The following TENM2 variants were observed in gnomAD, a reference collection of about 807,000 sequenced individuals.
TENM2 encodes teneurin-2.
In TENM2, 52 loss-of-function variants were observed where a neutral mutation model predicts 245.2. The ratio of observed to expected loss-of-function variants is 0.21; its 90% confidence interval spans 0.17 to 0.27. The LOEUF (loss-of-function observed/expected upper bound fraction) is 0.27, where lower values mean the gene tolerates loss of function less well. TENM2 is among the 10% of genes least tolerant of loss of function. TENM2 has a pLI of 1.00. For synonymous variants in TENM2, 1,363 were observed against 1,438.9 expected, an observed-to-expected ratio of 0.95 and a Z score of 1.19; for missense variants, 3,046 against 3,666.8, an observed-to-expected ratio of 0.83 and a Z score of 4.37.
the TENM2 span, among the ~76,000 whole-genome samples, chr5:167,075,108 G>A: frequency 1.3e-5 from 2 of 152,222 alleles, no homozygotes; most frequent in Non-Finnish European, 2.9e-5. Flanking sequence ...ATAGGAAGGC[G>A]TATGGTGAAA....
rs564231550 is a variant in TENM2, at chr5:167,987,494, CT to C, written c.948-5443del. Among the ~76,000 whole-genome samples the C allele has an allele frequency of 9.9e-5, 15 of 152,014 alleles. No individual in the cohort carries two copies. The South Asian group carries it at 2.9e-3, about 29-fold the overall frequency. On this transcript the variant is annotated intron_variant, in intron 4 of 28. Coordinates refer to ENST00000518659, the Ensembl canonical transcript of TENM2. Reference sequence around the variant, plus strand: ...AGGTGCCCACCACCACACCTGGCTACTTTTTTTGTATTTTTAATAGAGATGG... The same window carrying C: ...AGGTGCCCACCACCACACCTGGCTACTTTTTTGTATTTTTAATAGAGATGG...
the TENM2 span, among the ~76,000 whole-genome samples, chr5:167,026,498 A>G: frequency 6.6e-6 from 1 of 152,172 alleles, no homozygotes; most frequent in Non-Finnish European, 1.5e-5. Context: ...TCATGCTAGC[A>G]ATTTTGATAT....
intron 2 of TENM2, among the ~76,000 whole-genome samples, chr5:167,872,020 A>C (rs935279718): frequency 6.6e-6 from 1 of 152,032 alleles, no homozygotes; most frequent in Non-Finnish European, 1.5e-5. Context: ...CAGGGCTGGC[A>C]TGATGGTTCA....
chr5:168,196,806 G>T (rs1276530970), intron 15 of TENM2, among the ~76,000 whole-genome samples: 1 of 152,212 alleles, frequency 6.6e-6, no homozygotes, highest in East Asian at 1.9e-4. Flanking sequence ...TTGCTGTGAA[G>T]TCCCATGAAA....
intron 7 of TENM2, among the ~76,000 whole-genome samples, chr5:168,063,387 C>A (rs184616465): frequency 1.6e-4 from 24 of 152,172 alleles, no homozygotes; most frequent in Admixed American, 1.6e-3. Flanking sequence ...ATACATAACA[C>A]CTGGGGTAAA....
intron 6 of TENM2, among the ~76,000 whole-genome samples, chr5:168,053,070 G>A (rs1432726096): frequency 6.6e-6 from 1 of 152,076 alleles, no homozygotes; most frequent in Non-Finnish European, 1.5e-5. Flanking sequence ...TTCCCTATAT[G>A]GGGCTTTTCC....
chr5:167,543,285 G>T (rs963196327), intron 2 of TENM2, among the ~76,000 whole-genome samples: 2 of 152,090 alleles, frequency 1.3e-5, no homozygotes, highest in African/African-American at 2.4e-5. Flanking sequence ...TGAGACCTAG[G>T]CCCAGAAGTT....
intron 9 of TENM2, among the ~76,000 whole-genome samples, chr5:168,110,490 G>T (rs1206261926): frequency 1.3e-5 from 2 of 152,128 alleles, no homozygotes; most frequent in African/African-American, 4.8e-5. Flanking sequence ...CACACAGCTG[G>T]CAAAAACAAG....
Position 168,244,165 on chromosome 5 carries a change from G to A in TENM2, c.5521-255G>A, listed in dbSNP as rs544308324. On this transcript the variant is annotated intron_variant, in intron 25 of 28. Transcript: ENST00000518659. The surrounding 1 kb of genome is among the most constrained non-coding windows in gnomAD (Gnocchi z 4.9). ...TTGGCCAGGCTGGTCTTGAACTCCC[G>A]ACCTCAGGTGATCCACCCACTTCAG... 1.7e-3 allele frequency among the ~76,000 whole-genome samples: 252 copies of A among 152,152 alleles called. 5 individuals are homozygous for A. The highest frequency in any genetic ancestry group is 5.7e-3 in the African/African-American group (238 of 41,524).
chr5:167,219,454 A>G, the TENM2 span, among the ~76,000 whole-genome samples: 5 of 152,236 alleles, frequency 3.3e-5, no homozygotes, highest in Non-Finnish European at 5.9e-5. Context: ...TGATCAGACC[A>G]GTGCTAACAG....
intron 3 of TENM2, among the ~76,000 whole-genome samples, chr5:167,887,307 G>T (rs913380531): frequency 6.6e-6 from 1 of 152,162 alleles, no homozygotes; most frequent in African/African-American, 2.4e-5. Context: ...TGGTCTTTTT[G>T]TGTCCCTTAG....
rs536621201 is a variant in TENM2, at chr5:168,074,573, A to G, written c.1515+12308A>G. On this transcript the variant is annotated intron_variant, in intron 7 of 28. Transcript: ENST00000518659. Reference sequence around the variant, plus strand: ...CCATCACTCACAGCTTTGGCCGTCCACCGTAGGTGTTCAGTAAACAGCTGA... The same window carrying G: ...CCATCACTCACAGCTTTGGCCGTCCGCCGTAGGTGTTCAGTAAACAGCTGA... Among the ~76,000 whole-genome samples the G allele has an allele frequency of 8.0e-4, 119 of 148,062 alleles. 1 individual carries two copies. The highest frequency in any genetic ancestry group is 6.8e-3 in the Middle Eastern group (2 of 292).
At chr5:167,980,441 GA>G (rs1418096640) in intron 4 of TENM2, among the ~76,000 whole-genome samples, 3 of 152,124 alleles carry the variant, frequency 2.0e-5, no homozygotes, top group Non-Finnish European at 4.4e-5. Context: ...GAGGAGGAGA[GA>G]AGTTTCCAGA....
the TENM2 span, among the ~76,000 whole-genome samples, chr5:167,257,922 T>G: frequency 2.0e-5 from 3 of 151,906 alleles, no homozygotes; most frequent in African/African-American, 7.3e-5. Context: ...GTTCCAAAGA[T>G]TATACTTTCA....
intron 2 of TENM2, among the ~76,000 whole-genome samples, chr5:167,612,844 G>A (rs1326351722): frequency 4.6e-5 from 7 of 151,994 alleles, no homozygotes; most frequent in African/African-American, 1.4e-4. Flanking sequence ...TCCAAATGGT[G>A]GCATTTGGAA....
chr5:167,541,598 A>ATCAAT (rs1267461504), intron 2 of TENM2, among the ~76,000 whole-genome samples: 1 of 152,156 alleles, frequency 6.6e-6, no homozygotes, highest in Non-Finnish European at 1.5e-5. Context: ...GGCTTCTAGA[A>ATCAAT]TCAATATATC....
At chr5:167,863,535 T>C (rs1043447720) in intron 2 of TENM2, among the ~76,000 whole-genome samples, 6 of 151,194 alleles carry the variant, frequency 4.0e-5, no homozygotes, top group Non-Finnish European at 8.8e-5. Context: ...TCCCAGCTAA[T>C]TGGGAGGCTG....
intron 2 of TENM2, among the ~76,000 whole-genome samples, chr5:167,629,164 C>T (rs934951654): frequency 3.3e-5 from 5 of 152,108 alleles, no homozygotes; most frequent in African/African-American, 1.2e-4. Context: ...GACGTTGAAC[C>T]AGGTCAAAAG....
intron 2 of TENM2, among the ~76,000 whole-genome samples, chr5:167,537,910 G>A (rs1210239140): frequency 6.6e-6 from 1 of 152,208 alleles, no homozygotes; most frequent in African/African-American, 2.4e-5. Flanking sequence ...AAAGTAAGTG[G>A]TGGTTACAAA....
Sources: allele counts gnomAD v4.1 joint callset (sites outside exome capture counted in the v4.1 genomes callset), GRCh38; gene constraint gnomAD v4.1.1; non-coding constraint Gnocchi (gnomAD v3.1); transcripts MANE v1.5; gene names NCBI Gene and HGNC (gene_info 2026-07-23, HGNC 2026-07-21).